PIK3R4: variants seen among roughly 807,000 people sequenced by gnomAD.
PIK3R4 encodes phosphoinositide-3-kinase regulatory subunit 4, also known as phosphoinositide 3-kinase regulatory subunit 4.
PIK3R4 carries 46 observed loss-of-function variants against 136.5 expected under a neutral mutation model. The observed-to-expected ratio is 0.34, with a 90% CI of 0.27 to 0.43. PIK3R4 has a LOEUF of 0.43. Among genes scored for constraint, PIK3R4 ranks in the 20% least tolerant of loss-of-function variants. The pLI is 1.00. For missense variants in PIK3R4, 1,331 were observed against 1,649.5 expected (o/e 0.81, Z 3.35); for synonymous variants, 557 against 566.7 (o/e 0.98, Z 0.24).
intron 14 of PIK3R4, among the ~76,000 whole-genome samples, chr3:130,689,732 C>G (rs1576450997): frequency 1.3e-5 from 2 of 152,314 alleles, no homozygotes; most frequent in East Asian, 3.9e-4. Flanking sequence ...GTTGTCTTCC[C>G]TTTCAAGCTG....
chr3:130,691,364 C>T (rs1576451523), intron 13 of PIK3R4, among the ~76,000 whole-genome samples: 1 of 152,262 alleles, frequency 6.6e-6, no homozygotes, highest in East Asian at 1.9e-4. Flanking sequence ...GACCTATTTC[C>T]CTAACCGGAC....
chr3:130,736,748 T>A (rs766946155), intron 2 of PIK3R4, among the ~76,000 whole-genome samples: 1 of 152,130 alleles, frequency 6.6e-6, no homozygotes, highest in Non-Finnish European at 1.5e-5. Flanking sequence ...CATTTATTCA[T>A]CATTAAACAG....
At chr3:130,722,725 G>C (rs2066708581) in intron 7 of PIK3R4, among the ~76,000 whole-genome samples, 2 of 151,842 alleles carry the variant, frequency 1.3e-5, no homozygotes, top group African/African-American at 4.8e-5. Flanking sequence ...TTCATCTTCA[G>C]ACCAGTCAAG....
In PIK3R4 at chr3:130,733,813, T is replaced by C; in HGVS notation, c.1185A>G (p.Lys395=). The C allele has an allele frequency of 6.2e-7, 1 of 1,614,146 alleles. No homozygotes were observed. The highest frequency in any genetic ancestry group is 8.5e-7 in the Non-Finnish European group (1 of 1,179,998). Residue 395 remains lysine, a synonymous_variant, in exon 4 of 20, where the codon AAA becomes AAG. Transcript: ENST00000356763. The part of the protein sequence containing the change: ...CLQTLKYCDS[K]LAALELILHL... ...GAAGAATCAGTTCCAAAGCAGCTAGTTTGGAATCACAGTATTTAAGGGTCT... is the reference window on the plus strand; with the variant it reads ...GAAGAATCAGTTCCAAAGCAGCTAGCTTGGAATCACAGTATTTAAGGGTCT...
intron 13 of PIK3R4, among the ~76,000 whole-genome samples, chr3:130,698,196 T>G (rs1168010850): frequency 6.6e-6 from 1 of 152,224 alleles, no homozygotes; most frequent in African/African-American, 2.4e-5. Context: ...GATTTTGTCC[T>G]ATTTAGAATT....
In PIK3R4 at chr3:130,684,292, G is replaced by A. The variant is rs374570443; in HGVS notation, c.3565C>T (p.Arg1189Cys). The change falls in exon 16 of 20, where the codon CGC becomes TGC. Residue 1189 changes from arginine to cysteine, a missense_variant. Around this residue, in one of 2 missense-constraint regions of PIK3R4, gnomAD observed 1,180 missense variants for 1,407.0 expected, o/e 0.84. Coordinates refer to ENST00000356763, the MANE Select transcript of PIK3R4 (RefSeq NM_014602.3). ...TGATACAGAGGGTGCATTGAGAGGC[G>A]TCTGATTCGAGCCCTGGAAGGATGA... The part of the protein sequence containing the change: ...HCHPSRARIR[R>C]LSMHPLYQSW... 110 of 1,613,344 alleles carry A rather than the reference G, an allele frequency of 6.8e-5. No homozygotes were observed. Among genetic ancestry groups the A allele is most frequent in the African/African-American group, 6.1e-4 (46 of 74,956 alleles).
rs923126258 is a variant in PIK3R4 at position 130,723,441 on chromosome 3, G to A, written c.1954C>T (p.His652Tyr). Residue 652 changes from histidine to tyrosine, a missense_variant, in exon 7 of 20, where the codon CAT (histidine) becomes TAT (tyrosine). Physicochemically the swap from His to Tyr is moderately conservative, Grantham distance 83 (BLOSUM62 2). Transcript: ENST00000356763. ...MCQLGLLQKP[H>Y]VYEFASDIAP... is the part of the protein sequence containing the mutation. ...ATATCACTGGCAAATTCGTAAACAT[G>A]GGGTTTTTGTAGCAGTCCTAACTGG... is the stretch of plus-strand genomic sequence containing the variant. 1.5e-5 allele frequency: 24 copies of A among 1,603,834 alleles called. No individual in the cohort carries two copies. The highest frequency in any genetic ancestry group is 1.9e-5 in the Non-Finnish European group (22 of 1,176,334).
intron 13 of PIK3R4, among the ~76,000 whole-genome samples, chr3:130,691,353 T>C (rs965859293): frequency 5.9e-5 from 9 of 152,232 alleles, no homozygotes; most frequent in Non-Finnish European, 1.3e-4. Flanking sequence ...AAACAAGTAC[T>C]GACCTATTTC....
At chr3:130,684,080 T>C (rs1348475185) in intron 16 of PIK3R4, among the ~76,000 whole-genome samples, 170 bp downstream of exon 16, 1 of 152,176 alleles carries the variant, frequency 6.6e-6, no homozygotes, top group African/African-American at 2.4e-5. Context: ...AGATCATTTT[T>C]GAACATAGAT....
chr3:130,690,334 TTTTA>T lies in PIK3R4; in HGVS notation c.3263+152_3263+155del, dbSNP rs138687515. 2.7e-4 allele frequency among the ~76,000 whole-genome samples: 41 copies of T among 152,020 alleles called. 1 individual carries two copies. Among genetic ancestry groups the T allele is most frequent in the Admixed American group, 2.6e-4 (4 of 15,286 alleles). ...TTGAGCTGGAAGCACATTTTTAAAA[TTTTA>T]TTTATTTATTTATTTATTTTATGGG... On this transcript the variant is annotated intron_variant, in intron 14 of 19. Transcript: ENST00000356763.
chr3:130,697,226 C>T lies in PIK3R4; in HGVS notation c.3098+6497G>A, dbSNP rs76578141. Reference sequence around the variant, plus strand: ...CTGGGACTACAGGCGTGTGCCACCACGCCTGGCAAAATTTTTTTGTATTTT... The same window carrying T: ...CTGGGACTACAGGCGTGTGCCACCATGCCTGGCAAAATTTTTTTGTATTTT... On this transcript the variant is annotated intron_variant, in intron 13 of 19. Transcript: ENST00000356763. Among the ~76,000 whole-genome samples the T allele has an allele frequency of 4.8e-4, 73 of 151,940 alleles. No individual in the cohort carries two copies. The East Asian group carries it at 0.012, about 25-fold the overall frequency.
At chr3:130,689,456 T>C (rs960504362) in intron 14 of PIK3R4, among the ~76,000 whole-genome samples, 3 of 152,204 alleles carry the variant, frequency 2.0e-5, no homozygotes, top group African/African-American at 4.8e-5. Context: ...TTAAAGGCCA[T>C]AAAGAATATG....
intron 6 of PIK3R4, among the ~76,000 whole-genome samples, chr3:130,727,895 AC>A (rs1201373120): frequency 2.6e-5 from 4 of 152,156 alleles, no homozygotes; most frequent in African/African-American, 9.7e-5. Flanking sequence ...AAGATGTCTG[AC>A]TTTAGATATA....
intron 9 of PIK3R4, among the ~76,000 whole-genome samples, chr3:130,712,428 G>T (rs1322322599): frequency 1.3e-5 from 2 of 152,084 alleles, no homozygotes; most frequent in African/African-American, 4.8e-5. Flanking sequence ...CAGCACTTTG[G>T]GAGGCCAAGG....
At chr3:130,688,597 T>G (rs1355787372) in intron 14 of PIK3R4, among the ~76,000 whole-genome samples, 1 of 152,246 alleles carries the variant, frequency 6.6e-6, no homozygotes, top group Non-Finnish European at 1.5e-5. Context: ...TCAATGTTGT[T>G]GCATGAGTCA....
intron 8 of PIK3R4, among the ~76,000 whole-genome samples, chr3:130,717,058 T>C (rs1202386438): frequency 1.3e-5 from 2 of 152,242 alleles, no homozygotes; most frequent in African/African-American, 4.8e-5. Flanking sequence ...ATAGTGTTTA[T>C]AAAATCTTTC....
At chr3:130,681,381 A>T in intron 17 of PIK3R4, 110 bp downstream of exon 17, 1 of 762,746 alleles carries the variant, frequency 1.3e-6, no homozygotes, top group Non-Finnish European at 2.3e-6. Context: ...AAAAACCCAA[A>T]TTTAAACATA....
intron 9 of PIK3R4, among the ~76,000 whole-genome samples, chr3:130,712,100 A>C (rs1347714248): frequency 1.3e-5 from 2 of 152,196 alleles, no homozygotes; most frequent in African/African-American, 2.4e-5. Context: ...AGTTCTACTG[A>C]AAATCTGGAG....
In PIK3R4 at chr3:130,684,236, G is replaced by GC; in HGVS notation, c.3607+13dup. The GC allele has an allele frequency of 6.2e-7, 1 of 1,608,722 alleles. No individual in the cohort carries two copies. The highest frequency in any genetic ancestry group is 1.7e-4 in the Middle Eastern group (1 of 6,038). ...AAAATCTCCCAACACATGAAAGCCAGCCCTCCATCTTACCTGCAATCACCC... is the reference window on the plus strand; with the variant it reads ...AAAATCTCCCAACACATGAAAGCCAGCCCCTCCATCTTACCTGCAATCACCC... On this transcript the variant is annotated intron_variant, in intron 16 of 19. Coordinates refer to ENST00000356763, the MANE Select transcript of PIK3R4 (RefSeq NM_014602.3).
Sources: gnomAD v4.1 joint callset for allele counts (sites outside exome capture counted in the v4.1 genomes callset) on GRCh38, gnomAD v4.1.1 for gene constraint, gnomAD v4.1.1 regional missense constraint, MANE v1.5 for transcripts, NCBI Gene and HGNC (gene_info 2026-07-23, HGNC 2026-07-21) for gene names.